ZNF254: variants seen among roughly 807,000 people sequenced by gnomAD.
The protein encoded by ZNF254 is CTD-2017D11.1.
Under a neutral mutation model 12.4 loss-of-function variants are expected in ZNF254, and 10 were observed. The ratio of observed to expected loss-of-function variants is 0.80; its 90% CI spans 0.50 to 1.36. The LOEUF is 1.36. Ranked by LOEUF, ZNF254 falls within the 40% of genes most tolerant of loss-of-function variation. The pLI is 0.00. For synonymous variants in ZNF254, 305 were observed against 253.4 expected, an observed-to-expected ratio of 1.20 and a Z score of -1.93; for missense variants, 996 against 763.9, an observed-to-expected ratio of 1.30 and a Z score of -3.58.
chr19:24,120,539 G>T (rs773420206), intron 3 of ZNF254, among the ~76,000 whole-genome samples: 1 of 152,056 alleles, frequency 6.6e-6, no homozygotes, highest in Non-Finnish European at 1.5e-5. Flanking sequence ...TGATAGTAAA[G>T]ATTTCTACAT....
At chr19:24,072,905 T>C (rs540452455) in intron 2 of ZNF254, among the ~76,000 whole-genome samples, 143 of 152,332 alleles carry the variant, frequency 9.4e-4, no homozygotes, top group African/African-American at 3.3e-3. Context: ...TCCTGTTTTC[T>C]TTCTACTCAC....
intron 1 of ZNF254, among the ~76,000 whole-genome samples, chr19:24,038,022 C>T (rs1970030440): frequency 6.6e-6 from 1 of 152,318 alleles, no homozygotes; most frequent in East Asian, 1.9e-4. Context: ...CCTGGGATTA[C>T]AAGCGTGAGC....
intron 1 of ZNF254, among the ~76,000 whole-genome samples, chr19:24,044,100 C>G (rs74618050): frequency 1.3e-5 from 2 of 151,700 alleles, no homozygotes; most frequent in Non-Finnish European, 2.9e-5. Flanking sequence ...CTTAGCTGGG[C>G]GTGCTGGCAG....
chr19:24,107,584 C>T (rs1568461062), intron 3 of ZNF254, among the ~76,000 whole-genome samples: 1 of 151,898 alleles, frequency 6.6e-6, no homozygotes, highest in South Asian at 2.1e-4. Flanking sequence ...TTAATGTACT[C>T]TCTCTATATA....
intron 2 of ZNF254, among the ~76,000 whole-genome samples, chr19:24,076,026 T>C (rs949821936): frequency 6.6e-6 from 1 of 152,254 alleles, no homozygotes; most frequent in Non-Finnish European, 1.5e-5. Context: ...ATCACTGTTA[T>C]TGTGTTCTTT....
At chr19:24,063,178 T>C (rs1247894346) in intron 2 of ZNF254, among the ~76,000 whole-genome samples, 2 of 152,184 alleles carry the variant, frequency 1.3e-5, no homozygotes, top group Non-Finnish European at 2.9e-5. Flanking sequence ...CCCCTGTACT[T>C]AGACCCAACA....
rs751055907 is a variant in ZNF254 at position 24,126,454 on chromosome 19, A to G, written c.454A>G (p.Lys152Glu). The change falls in exon 4 of 4, where the codon AAA (lysine) becomes GAA (glutamate). Residue 152 changes from lysine to glutamate, a missense_variant. Physicochemically the swap from Lys to Glu is moderately conservative, Grantham distance 56. Coordinates refer to ENST00000357002, the MANE Select transcript of ZNF254 (RefSeq NM_203282.4). ...CCAGTGTTTCACAACTGCCCAGAGC[A>G]AAGTATTTCAATGTGATAAATATTT... ...LNQCFTTAQS[K>E]VFQCDKYLKV... The G allele has an allele frequency of 1.3e-6, 2 of 1,594,984 alleles. No individual in the cohort carries two copies. Among genetic ancestry groups the G allele is most frequent in the Non-Finnish European group, 1.7e-6 (2 of 1,174,042 alleles).
intron 2 of ZNF254, among the ~76,000 whole-genome samples, chr19:24,059,210 C>G (rs1375843750): frequency 6.6e-6 from 1 of 152,220 alleles, no homozygotes; most frequent in Non-Finnish European, 1.5e-5. Context: ...CTTGGCCCAT[C>G]AGATGTTTAA....
upstream of ZNF254, among the ~76,000 whole-genome samples, chr19:24,083,574 A>G (rs1971924829): frequency 6.6e-6 from 1 of 152,214 alleles, no homozygotes; most frequent in African/African-American, 2.4e-5. Context: ...TAAAAATTGT[A>G]GAAGGTAATA....
intron 2 of ZNF254, among the ~76,000 whole-genome samples, chr19:24,052,110 A>G (rs1970671511): frequency 6.6e-6 from 1 of 152,120 alleles, no homozygotes; most frequent in Non-Finnish European, 1.5e-5. Flanking sequence ...CCAGTAGGTG[A>G]TGTGACTCTT....
chr19:24,119,794 A>G (rs1974355299), intron 3 of ZNF254, among the ~76,000 whole-genome samples: 1 of 152,168 alleles, frequency 6.6e-6, no homozygotes, highest in Admixed American at 6.5e-5. Flanking sequence ...AGTTTAATTA[A>G]TTTATATTTA....
intron 3 of ZNF254, among the ~76,000 whole-genome samples, chr19:24,117,584 A>T (rs566490672): frequency 1.3e-5 from 2 of 152,258 alleles, no homozygotes; most frequent in East Asian, 1.9e-4. Context: ...CCGACTTTCC[A>T]GATGCCGTCT....
rs934652509 is a variant in ZNF254 at position 24,128,915 on chromosome 19, T to A, written c.*935T>A. 2.6e-4 allele frequency: 40 copies of A among 152,194 alleles called. No individual in the cohort carries two copies. Among genetic ancestry groups the A allele is most frequent in the South Asian group, 2.1e-4 (1 of 4,828 alleles). The allele number at this position is 152,194 out of a possible 1,614,324, so 9.4% of individuals were successfully genotyped here. On this transcript the variant is annotated 3_prime_UTR_variant, in exon 4 of 4. Transcript: ENST00000357002. ...TTTTTTTGAAAATACAGATTTTTTT[T>A]AAAAGTGAATAATGTGTTCAACTCT... is the stretch of plus-strand genomic sequence containing the variant.
intron 1 of ZNF254, among the ~76,000 whole-genome samples, chr19:24,097,088 T>A (rs1972716553): frequency 6.6e-6 from 1 of 151,992 alleles, no homozygotes; most frequent in African/African-American, 2.4e-5. Flanking sequence ...TTTTTTGAGA[T>A]ATATGTAAAT....
At chr19:24,039,952 T>C (rs1222269834) in intron 1 of ZNF254, among the ~76,000 whole-genome samples, 1 of 152,238 alleles carries the variant, frequency 6.6e-6, no homozygotes, top group Non-Finnish European at 1.5e-5. Flanking sequence ...ATGTTTTGGT[T>C]AAGTCGGTTG....
At chr19:24,113,725 G>A (rs377044121) in intron 3 of ZNF254, among the ~76,000 whole-genome samples, 1 of 152,124 alleles carries the variant, frequency 6.6e-6, no homozygotes, top group Non-Finnish European at 1.5e-5. Flanking sequence ...TATTCAATTA[G>A]GAAAAGAGGA....
At chr19:24,044,107 G>C (rs1482851477) in intron 1 of ZNF254, among the ~76,000 whole-genome samples, 3 of 151,992 alleles carry the variant, frequency 2.0e-5, no homozygotes, top group Admixed American at 6.6e-5. Context: ...GGGCGTGCTG[G>C]CAGGCGCCTG....
intron 1 of ZNF254, 111 bp downstream of exon 1, chr19:24,087,448 C>A: frequency 7.4e-7 from 1 of 1,356,184 alleles, no homozygotes; most frequent in Non-Finnish European, 1.0e-6. Flanking sequence ...ACAATCTGCG[C>A]CCAGCTCGAC....
At chr19:24,121,688 G>A (rs1390897531) in intron 3 of ZNF254, among the ~76,000 whole-genome samples, 2 of 151,996 alleles carry the variant, frequency 1.3e-5, no homozygotes, top group Non-Finnish European at 2.9e-5. Flanking sequence ...CTCCCAATTA[G>A]CTGGGATTAC....
Sources: gnomAD v4.1 joint callset for allele counts (sites outside exome capture counted in the v4.1 genomes callset) on GRCh38, gnomAD v4.1.1 for gene constraint, MANE v1.5 for transcripts, NCBI Gene and HGNC (gene_info 2026-07-23, HGNC 2026-07-21) for gene names.